TMEM232: variants seen among roughly 807,000 people sequenced by gnomAD.
The protein encoded by TMEM232 is transmembrane protein 232.
A neutral mutation model predicts 78.8 loss-of-function variants in TMEM232; 80 were observed. The observed-to-expected ratio is 1.01, with a 90% CI of 0.85 to 1.22. TMEM232 has a LOEUF of 1.22. Among genes scored for constraint, TMEM232 ranks in the 50% most tolerant of loss-of-function variants. The pLI is 0.00. For synonymous variants in TMEM232, 297 were observed against 254.3 expected (o/e 1.17, Z -1.60); for missense variants, 881 against 742.2 (o/e 1.19, Z -2.17).
At chr5:110,482,197 C>G (rs1387395178) in intron 12 of TMEM232, among the ~76,000 whole-genome samples, 2 of 151,992 alleles carry the variant, frequency 1.3e-5, no homozygotes, top group African/African-American at 4.8e-5. Context: ...CAATTAGAGA[C>G]ATCAGTTCCC....
intron 11 of TMEM232, among the ~76,000 whole-genome samples, chr5:110,539,292 C>G (rs987797089): frequency 1.5e-4 from 23 of 152,170 alleles, no homozygotes; most frequent in Non-Finnish European, 3.4e-4. Context: ...ACTTACCCAT[C>G]GACTCTTAAA....
At chr5:110,466,970 A>G (rs1343542766) in intron 12 of TMEM232, among the ~76,000 whole-genome samples, 1 of 152,016 alleles carries the variant, frequency 6.6e-6, no homozygotes, top group Non-Finnish European at 1.5e-5. Context: ...GGAGCACACT[A>G]AAATATTACA....
intron 10 of TMEM232, among the ~76,000 whole-genome samples, chr5:110,601,141 TTGA>T (rs2149810572): frequency 6.6e-6 from 1 of 152,344 alleles, no homozygotes; most frequent in East Asian, 1.9e-4. Flanking sequence ...AAACTGGGTA[TTGA>T]TGAACATATC....
At chr5:110,735,700 TA>T (rs1260411185) in intron 1 of TMEM232, among the ~76,000 whole-genome samples, 1 of 152,230 alleles carries the variant, frequency 6.6e-6, no homozygotes, top group Non-Finnish European at 1.5e-5. Context: ...AATTAGGTCA[TA>T]AACGACATTG....
chr5:110,532,954 A>G (rs1003277801), intron 11 of TMEM232, among the ~76,000 whole-genome samples: 2 of 152,208 alleles, frequency 1.3e-5, no homozygotes, highest in Non-Finnish European at 2.9e-5. Flanking sequence ...AAAACCAGAC[A>G]AGGTTTACAA....
intron 2 of TMEM232, among the ~76,000 whole-genome samples, chr5:110,656,357 A>G (rs1789051718): frequency 6.6e-6 from 1 of 152,184 alleles, no homozygotes; most frequent in Admixed American, 6.5e-5. Flanking sequence ...AGGCCTAGCT[A>G]TAGCTTCTGC....
At chr5:110,571,142 G>C (rs1776893349) in intron 10 of TMEM232, among the ~76,000 whole-genome samples, 1 of 151,946 alleles carries the variant, frequency 6.6e-6, no homozygotes. Flanking sequence ...TGTGCCTGAT[G>C]TATTGTATCA....
chr5:110,490,173 GAAAGAAAGAAAGAAAGAAA>G (rs1413048734), intron 12 of TMEM232, among the ~76,000 whole-genome samples: 2 of 126,402 alleles, frequency 1.6e-5, no homozygotes, highest in Non-Finnish European at 3.2e-5. Context: ...AAGAAAGAAA[GAAAGAAAGAAAGAAAGAAA>G]AAGTTAATTG....
chr5:110,525,584 A>G (rs935733821), intron 12 of TMEM232, among the ~76,000 whole-genome samples: 2 of 152,000 alleles, frequency 1.3e-5, no homozygotes, highest in Non-Finnish European at 2.9e-5. Flanking sequence ...TGTTAGAGAT[A>G]CTATATCTCA....
At chr5:110,582,956 T>C (rs184024843) in intron 10 of TMEM232, among the ~76,000 whole-genome samples, 4 of 152,060 alleles carry the variant, frequency 2.6e-5, no homozygotes, top group African/African-American at 9.6e-5. Flanking sequence ...TTAAGCAAAT[T>C]AGTTAGACTT....
intron 11 of TMEM232, among the ~76,000 whole-genome samples, chr5:110,534,595 C>T (rs1017426096): frequency 6.6e-6 from 1 of 152,152 alleles, no homozygotes; most frequent in Non-Finnish European, 1.5e-5. Context: ...TAGTCATACT[C>T]CTATTCACCG....
At chr5:110,602,172 A>G (rs560645310) in intron 10 of TMEM232, among the ~76,000 whole-genome samples, 11 of 152,366 alleles carry the variant, frequency 7.2e-5, no homozygotes, top group Non-Finnish European at 1.3e-4. Context: ...CTTAAATGGA[A>G]GATCTAAAAC....
At chr5:110,454,872 T>C (rs962892592) in intron 12 of TMEM232, among the ~76,000 whole-genome samples, 10 of 145,094 alleles carry the variant, frequency 6.9e-5, no homozygotes, top group South Asian at 2.2e-4. Context: ...AAAAAAACAA[T>C]AGAGTAATTG....
At chr5:110,644,406 A>G (rs1247170697) in intron 2 of TMEM232, among the ~76,000 whole-genome samples, 1 of 151,906 alleles carries the variant, frequency 6.6e-6, no homozygotes, top group African/African-American at 2.4e-5. Flanking sequence ...TGAAAATAAC[A>G]GTGCTGTTTT....
chr5:110,484,320 T>TA (rs1764228385), intron 12 of TMEM232, among the ~76,000 whole-genome samples: 1 of 151,588 alleles, frequency 6.6e-6, no homozygotes, highest in Non-Finnish European at 1.5e-5. Context: ...AAATAAAGTT[T>TA]AAAAAGTGAA....
intron 2 of TMEM232, among the ~76,000 whole-genome samples, chr5:110,662,107 C>T (rs1789882855): frequency 6.6e-6 from 1 of 151,906 alleles, no homozygotes; most frequent in South Asian, 2.1e-4. Context: ...CAAAGATATT[C>T]AGAATTAATA....
intron 10 of TMEM232, among the ~76,000 whole-genome samples, chr5:110,584,344 T>C (rs1778557617): frequency 6.6e-6 from 1 of 151,946 alleles, no homozygotes; most frequent in Non-Finnish European, 1.5e-5. Flanking sequence ...TCCTGCAATA[T>C]GCAACAACAT....
chr5:110,411,679 A>C (rs1442798666), intron 2 of TMEM232, among the ~76,000 whole-genome samples: 4 of 152,328 alleles, frequency 2.6e-5, no homozygotes, highest in Admixed American at 1.3e-4. Context: ...TATAAGTGGA[A>C]TCATACAGTA....
intron 6 of TMEM232, among the ~76,000 whole-genome samples, chr5:110,625,904 A>G: frequency 6.6e-6 from 1 of 151,826 alleles, no homozygotes; most frequent in Admixed American, 6.6e-5. Context: ...ATTATTTACA[A>G]CAATAAGATA....
Sources: allele counts gnomAD v4.1 joint callset (sites outside exome capture counted in the v4.1 genomes callset), GRCh38; gene constraint gnomAD v4.1.1; transcripts MANE v1.5; gene names NCBI Gene and HGNC (gene_info 2026-07-23, HGNC 2026-07-21).